The following CSMD1 variants were observed in gnomAD, a reference collection of about 807,000 sequenced individuals.
CSMD1 encodes the protein CUB and sushi domain-containing protein 1.
A neutral mutation model predicts 417.5 loss-of-function variants in CSMD1; 213 were observed. The ratio of observed to expected loss-of-function variants is 0.51; its 90% CI spans 0.46 to 0.57. The LOEUF is 0.57. Ranked by LOEUF, CSMD1 falls within the 20% of genes least tolerant of loss-of-function variation. The probability of loss-of-function intolerance (pLI) is 0.00; values close to 1 mark genes in which losing one functional copy is unlikely to be tolerated. For missense variants in CSMD1, 6,923 were observed against 4,529.7 expected, an observed-to-expected ratio of 1.53 and a Z score of -15.17; for synonymous variants, 2,862 against 1,736.8, an observed-to-expected ratio of 1.65 and a Z score of -16.11.
At chr8:3,043,531 A>G (rs1186643306) in intron 50 of CSMD1, among the ~76,000 whole-genome samples, 2 of 152,080 alleles carry the variant, frequency 1.3e-5, no homozygotes, top group Non-Finnish European at 2.9e-5. Flanking sequence ...TTAATCATGT[A>G]AAGTCCTCAT....
chr8:4,921,045 A>G (rs1444137346), intron 1 of CSMD1, among the ~76,000 whole-genome samples: 1 of 150,454 alleles, frequency 6.6e-6, no homozygotes, highest in African/African-American at 2.4e-5. Flanking sequence ...AGGAAGGAAG[A>G]AAGAAAAGAG....
chr8:3,264,104 T>C (rs1230892246), intron 26 of CSMD1, among the ~76,000 whole-genome samples: 1 of 152,190 alleles, frequency 6.6e-6, no homozygotes, highest in Non-Finnish European at 1.5e-5. Flanking sequence ...TAAACATTTA[T>C]TCACCTCAAT....
chr8:3,919,126 G>C (rs904828055), intron 5 of CSMD1, among the ~76,000 whole-genome samples: 1 of 136,030 alleles, frequency 7.4e-6, no homozygotes, highest in Non-Finnish European at 1.5e-5. Context: ...AGAAGATTCT[G>C]TGTTTGACGT....
At chr8:3,758,115 C>T (rs1238640626) in intron 5 of CSMD1, among the ~76,000 whole-genome samples, 2 of 152,054 alleles carry the variant, frequency 1.3e-5, no homozygotes, top group East Asian at 3.9e-4. Flanking sequence ...AGGCACCGGC[C>T]ACCACACCTG....
chr8:3,367,293 C>CA, intron 19 of CSMD1, 46 bp from the exon 20 acceptor site: 3 of 1,386,768 alleles, frequency 2.2e-6, no homozygotes, highest in Non-Finnish European at 3.0e-6. Context: ...GAGAGAGACA[C>CA]ACGGGGCGGC....
In CSMD1 at chr8:4,044,967, T is replaced by G. The variant is rs545567916; in HGVS notation, c.416-12868A>C. ...TCTGAGAGTAATTATATTCAACATC[T>G]TGTTCACGGAGGAGTTTCTACTTCC... On this transcript the variant is annotated intron_variant, in intron 3 of 69. Coordinates refer to ENST00000635120, the MANE Select transcript of CSMD1 (RefSeq NM_033225.6). Among the ~76,000 whole-genome samples the G allele has an allele frequency of 1.3e-3, 191 of 152,366 alleles. 1 individual carries two copies. Among genetic ancestry groups the G allele is most frequent in the African/African-American group, 4.5e-3 (186 of 41,590 alleles).
intron 3 of CSMD1, among the ~76,000 whole-genome samples, chr8:4,226,113 C>G (rs1309303924): frequency 6.6e-6 from 1 of 151,532 alleles, no homozygotes; most frequent in Admixed American, 6.6e-5. Flanking sequence ...CACACGCCAA[C>G]ACACATACAC....
chr8:4,778,564 G>C (rs1796990524), intron 1 of CSMD1, among the ~76,000 whole-genome samples: 1 of 152,172 alleles, frequency 6.6e-6, no homozygotes, highest in Admixed American at 6.5e-5. Context: ...TTCCCGCTAG[G>C]AAGATCAACC....
chr8:3,161,445 C>T (rs1285020315), intron 38 of CSMD1, among the ~76,000 whole-genome samples: 1 of 151,820 alleles, frequency 6.6e-6, no homozygotes, highest in Non-Finnish European at 1.5e-5. Flanking sequence ...GGTGAAACCC[C>T]ATCTCTACTA....
In CSMD1 at chr8:3,643,573, C is replaced by T. The variant is rs540298266; in HGVS notation, c.1010-26776G>A. Among the ~76,000 whole-genome samples, 6 of 151,940 alleles carry T rather than the reference C, an allele frequency of 3.9e-5. No individual in the cohort carries two copies. The South Asian group carries it at 8.3e-4, about 21-fold the overall frequency. On this transcript the variant is annotated intron_variant, in intron 7 of 69. Transcript: ENST00000635120. Reference sequence around the variant, plus strand: ...AAAATTGGCCGGGCGTGGTGGCGGGCGCCTGTAGTCCCAACTACCCGGGCG... The same window carrying T: ...AAAATTGGCCGGGCGTGGTGGCGGGTGCCTGTAGTCCCAACTACCCGGGCG...
intron 7 of CSMD1, among the ~76,000 whole-genome samples, chr8:3,690,987 G>A (rs1283626953): frequency 1.3e-5 from 2 of 152,110 alleles, no homozygotes; most frequent in Non-Finnish European, 2.9e-5. Flanking sequence ...GTGTGTGAGG[G>A]TGGGGAGTGC....
At chr8:3,049,447 T>G (rs1180030154) in intron 50 of CSMD1, among the ~76,000 whole-genome samples, 1 of 152,074 alleles carries the variant, frequency 6.6e-6, no homozygotes, top group African/African-American at 2.4e-5. Context: ...GGAGGAAACT[T>G]AAACGCTTAT....
intron 26 of CSMD1, among the ~76,000 whole-genome samples, chr8:3,237,632 T>C (rs1425915509): frequency 1.4e-5 from 2 of 138,838 alleles, no homozygotes; most frequent in Non-Finnish European, 3.1e-5. Flanking sequence ...ATATTTTTTA[T>C]ACTTATACTA....
At chr8:3,887,156 G>A (rs1031687339) in intron 5 of CSMD1, among the ~76,000 whole-genome samples, 5 of 152,116 alleles carry the variant, frequency 3.3e-5, no homozygotes, top group African/African-American at 1.2e-4. Flanking sequence ...GATGGCATGC[G>A]TAGAGGGTAT....
chr8:4,820,321 G>C lies in CSMD1; in HGVS notation c.85+174011C>G, dbSNP rs987250585. On this transcript the variant is annotated intron_variant, in intron 1 of 69. Coordinates refer to ENST00000635120, the MANE Select transcript of CSMD1 (RefSeq NM_033225.6). Reference sequence around the variant, plus strand: ...CAGTTAGTGCGCCATAGAAGCCTGAGTATTCAGAAGCATTATAAAAAGGTA... The same window carrying C: ...CAGTTAGTGCGCCATAGAAGCCTGACTATTCAGAAGCATTATAAAAAGGTA... 3.4e-4 allele frequency among the ~76,000 whole-genome samples: 52 copies of C among 152,176 alleles called. 1 individual carries two copies. The highest frequency in any genetic ancestry group is 1.8e-3 in the Admixed American group (28 of 15,272).
intron 1 of CSMD1, among the ~76,000 whole-genome samples, chr8:4,965,908 A>G (rs1332859180): frequency 6.6e-6 from 1 of 152,200 alleles, no homozygotes; most frequent in Non-Finnish European, 1.5e-5. Context: ...GATAACTTGA[A>G]GCAGGATGTG....
chr8:3,660,361 C>T (rs1329135254), intron 7 of CSMD1, among the ~76,000 whole-genome samples: 1 of 152,076 alleles, frequency 6.6e-6, no homozygotes, highest in African/African-American at 2.4e-5. Flanking sequence ...TAGCGATCTT[C>T]CCAGGGACCA....
At chr8:2,967,561 A>G (rs919891162) in intron 57 of CSMD1, among the ~76,000 whole-genome samples, 1 of 151,810 alleles carries the variant, frequency 6.6e-6, no homozygotes, top group African/African-American at 2.4e-5. Flanking sequence ...AGTCGAGCCT[A>G]TTTACCAGAA....
intron 25 of CSMD1, among the ~76,000 whole-genome samples, 195 bp downstream of exon 25, chr8:3,307,500 T>C (rs991136259): frequency 1.3e-5 from 2 of 152,208 alleles, no homozygotes; most frequent in East Asian, 1.9e-4. Flanking sequence ...CTTTACTATA[T>C]AGAACTTAAT....
Sources: allele counts gnomAD v4.1 joint callset (sites outside exome capture counted in the v4.1 genomes callset), GRCh38; gene constraint gnomAD v4.1.1; transcripts MANE v1.5; gene names NCBI Gene and HGNC (gene_info 2026-07-23, HGNC 2026-07-21).